Variants in ZNF880 observed in about 807,000 individuals in gnomAD.
ZNF880 encodes zinc finger protein LOC400713.
In ZNF880, 12 loss-of-function variants were observed where a neutral mutation model predicts 11.8. That is an observed-to-expected ratio of 1.02 (90% CI 0.65 to 1.65). ZNF880 has a LOEUF of 1.65. Ranked by LOEUF, ZNF880 falls within the 40% of genes most tolerant of loss-of-function variation. The pLI, the probability that ZNF880 is intolerant of heterozygous loss-of-function variation, is 0.00. For missense variants in ZNF880, 601 were observed against 673.9 expected (o/e 0.89, Z 1.20); for synonymous variants, 210 against 232.4 (o/e 0.90, Z 0.88).
At chr19:52,393,325 A>G in the ZNF880 span, among the ~76,000 whole-genome samples, 2 of 150,640 alleles carry the variant, frequency 1.3e-5, no homozygotes, top group African/African-American at 2.4e-5. Context: ...TGCCCGCCTC[A>G]GCCTCCCAAA....
chr19:52,366,869 G>A, upstream of ZNF880: 1 of 906,838 alleles, frequency 1.1e-6, no homozygotes, highest in Non-Finnish European at 1.7e-6. Flanking sequence ...AATTTAGTTT[G>A]CATTGAAGCC....
At chr19:52,372,909 CA>C (rs201869014) in intron 1 of ZNF880, among the ~76,000 whole-genome samples, 603 of 69,864 alleles carry the variant, frequency 8.6e-3, no homozygotes, top group African/African-American at 0.019. Flanking sequence ...GACTCCGTCT[CA>C]AAAAAAAAAA....
chr19:52,380,881 G>A (rs1986688940), intron 3 of ZNF880, among the ~76,000 whole-genome samples: 1 of 151,880 alleles, frequency 6.6e-6, no homozygotes, highest in Non-Finnish European at 1.5e-5. Flanking sequence ...GTCTTGCTGT[G>A]TTGCCCAGGC....
chr19:52,369,825 T>G, upstream of ZNF880: 1 of 1,091,934 alleles, frequency 9.2e-7, no homozygotes, highest in Non-Finnish European at 1.4e-6. Context: ...AGGTCTAGCC[T>G]CCAAAACGAG....
chr19:52,369,382 A>G (rs867499655), upstream of ZNF880, among the ~76,000 whole-genome samples: 370 of 127,886 alleles, frequency 2.9e-3, 2 homozygotes, highest in African/African-American at 1.0e-2. Flanking sequence ...AAAAAAAAAA[A>G]AAGGAAATTG....
At chr19:52,387,098 G>A (rs926083850), downstream of ZNF880, among the ~76,000 whole-genome samples, 15 of 144,348 alleles carry the variant, frequency 1.0e-4, 3 homozygotes, top group African/African-American at 3.8e-4. Flanking sequence ...GGTTTTCTTT[G>A]TCTTCACACT....
At chr19:52,374,254 C>G (rs112064222) in intron 2 of ZNF880, 45 bp from the exon 3 acceptor site, 2 of 1,523,440 alleles carry the variant, frequency 1.3e-6, no homozygotes, top group Admixed American at 2.2e-5. Flanking sequence ...GGGGTTTCAC[C>G]GTGTTAGCCA....
chr19:52,369,362 CAAAAAA>C (rs57601492), upstream of ZNF880, among the ~76,000 whole-genome samples: 66 of 112,428 alleles, frequency 5.9e-4, no homozygotes, highest in South Asian at 8.7e-3. Context: ...ACTCTGTCTC[CAAAAAA>C]AAAAAAAAAA....
chr19:52,381,446 A>G (rs1986702790), intron 3 of ZNF880, among the ~76,000 whole-genome samples: 2 of 152,116 alleles, frequency 1.3e-5, no homozygotes, highest in Admixed American at 1.3e-4. Context: ...ATATTTTTCC[A>G]TCCTTTCCAT....
intron 1 of ZNF880, among the ~76,000 whole-genome samples, chr19:52,372,761 T>G (rs1301851086): frequency 6.9e-6 from 1 of 145,356 alleles, no homozygotes; most frequent in Non-Finnish European, 1.5e-5. Flanking sequence ...AAAAAAAAAA[T>G]TAGCTGGGCG....
chr19:52,377,661 G>C (rs1986593357), intron 3 of ZNF880, among the ~76,000 whole-genome samples: 1 of 152,122 alleles, frequency 6.6e-6, no homozygotes, highest in African/African-American at 2.4e-5. Context: ...ACAGAACTCA[G>C]TAAAACACTT....
At chr19:52,372,515 C>T (rs1157130218) in intron 1 of ZNF880, among the ~76,000 whole-genome samples, 2 of 150,428 alleles carry the variant, frequency 1.3e-5, no homozygotes, top group African/African-American at 2.4e-5. Flanking sequence ...GTCTCGATCT[C>T]GTGACCTCAT....
At chr19:52,376,855 T>C (rs1286579835) in intron 3 of ZNF880, among the ~76,000 whole-genome samples, 1 of 152,062 alleles carries the variant, frequency 6.6e-6, no homozygotes, top group Non-Finnish European at 1.5e-5. Context: ...TCTTGCTGAT[T>C]TGTTTGAGTT....
intron 1 of ZNF880, among the ~76,000 whole-genome samples, chr19:52,371,080 C>T (rs1022252886): frequency 1.3e-5 from 2 of 152,106 alleles, no homozygotes; most frequent in African/African-American, 2.4e-5. Context: ...CACAGATGAG[C>T]AAGTCTATTG....
intron 3 of ZNF880, among the ~76,000 whole-genome samples, chr19:52,376,621 T>A (rs2122371792): frequency 6.7e-6 from 1 of 148,630 alleles, no homozygotes; most frequent in South Asian, 2.2e-4. Flanking sequence ...GCAATTCTCC[T>A]GCCTCAGCCT....
upstream of ZNF880, chr19:52,367,555 AGTG>A: frequency 6.6e-6 from 1 of 152,100 alleles, no homozygotes; most frequent in South Asian, 2.1e-4. Context: ...CAGCCAGAAA[AGTG>A]TGTGTGTGTG....
chr19:52,389,501 G>C (rs1471305575), downstream of ZNF880: 1 of 152,190 alleles, frequency 6.6e-6, no homozygotes, highest in Non-Finnish European at 1.5e-5. Flanking sequence ...TCACACTTAT[G>C]CAAGAGGTTG....
intron 3 of ZNF880, 122 bp downstream of exon 3, chr19:52,374,549 A>T: frequency 8.3e-7 from 1 of 1,207,234 alleles, no homozygotes; most frequent in Non-Finnish European, 1.2e-6. Flanking sequence ...GGCTTAACTC[A>T]TAGCCTCAAA....
At chr19:52,375,648 C>G (rs1399183805) in intron 3 of ZNF880, among the ~76,000 whole-genome samples, 3 of 151,898 alleles carry the variant, frequency 2.0e-5, no homozygotes, top group Non-Finnish European at 4.4e-5. Flanking sequence ...TATCCCTCAC[C>G]CCCCTCCCAC....
Sources: allele counts gnomAD v4.1 joint callset (sites outside exome capture counted in the v4.1 genomes callset), GRCh38; gene constraint gnomAD v4.1.1; transcripts MANE v1.5; gene names NCBI Gene and HGNC (gene_info 2026-07-23, HGNC 2026-07-21).